PIGL: variants seen among roughly 807,000 people sequenced by gnomAD.
PIGL encodes the protein phosphatidylinositol glycan anchor biosynthesis class L, also known as N-acetylglucosaminyl-phosphatidylinositol de-N-acetylase.
PIGL carries 22 observed loss-of-function variants against 31.1 expected under a neutral mutation model. The ratio of observed to expected loss-of-function variants is 0.71; its 90% confidence interval spans 0.51 to 1.01. The LOEUF is 1.01. Ranked by LOEUF, PIGL falls within the 50% of genes least tolerant of loss-of-function variation. The probability of loss-of-function intolerance (pLI) is 0.00; values close to 1 mark genes in which losing one functional copy is unlikely to be tolerated. For missense variants in PIGL, 302 were observed against 315.9 expected, an observed-to-expected ratio of 0.96 and a Z score of 0.33; for synonymous variants, 131 against 117.4, an observed-to-expected ratio of 1.12 and a Z score of -0.75.
intron 2 of PIGL, among the ~76,000 whole-genome samples, chr17:16,284,950 T>G (rs941617542): frequency 6.6e-6 from 1 of 152,220 alleles, no homozygotes; most frequent in African/African-American, 2.4e-5. Context: ...GTGAACCCAC[T>G]GGGTGGTTAC....
intron 2 of PIGL, among the ~76,000 whole-genome samples, chr17:16,269,856 T>C (rs1424268750): frequency 6.6e-6 from 1 of 151,960 alleles, no homozygotes; most frequent in East Asian, 1.9e-4. Flanking sequence ...TTTTGTTCTG[T>C]TTTTTTTAAG....
chr17:16,262,192 C>T (rs2092821962), intron 2 of PIGL, among the ~76,000 whole-genome samples: 1 of 152,106 alleles, frequency 6.6e-6, no homozygotes, highest in East Asian at 1.9e-4. Context: ...CACTGCACTG[C>T]AGTCTGGGCA....
At chr17:16,244,661 C>T (rs531974640) in intron 2 of PIGL, among the ~76,000 whole-genome samples, 5 of 152,108 alleles carry the variant, frequency 3.3e-5, no homozygotes, top group South Asian at 2.1e-4. Context: ...AGGTATAAAG[C>T]GGGGAGTTTT....
intron 2 of PIGL, among the ~76,000 whole-genome samples, chr17:16,282,526 T>C (rs945646090): frequency 6.6e-6 from 1 of 152,136 alleles, no homozygotes; most frequent in Non-Finnish European, 1.5e-5. Flanking sequence ...CCAAACATAG[T>C]CAGTGTTGAT....
intron 2 of PIGL, among the ~76,000 whole-genome samples, chr17:16,248,033 G>A (rs952836666): frequency 6.6e-5 from 10 of 151,952 alleles, no homozygotes; most frequent in East Asian, 1.9e-4. Flanking sequence ...GATTACAGGC[G>A]CGCACCACCA....
At chr17:16,255,047 T>C (rs2092788336) in intron 2 of PIGL, among the ~76,000 whole-genome samples, 2 of 152,256 alleles carry the variant, frequency 1.3e-5, no homozygotes, top group South Asian at 4.1e-4. Flanking sequence ...AATGTGTGTG[T>C]GGTCTCTAAG....
chr17:16,245,001 T>G (rs2092738387), intron 2 of PIGL, among the ~76,000 whole-genome samples: 1 of 151,844 alleles, frequency 6.6e-6, no homozygotes, highest in Admixed American at 6.6e-5. Flanking sequence ...TTGTTGTTCT[T>G]GTTTTTTTGA....
chr17:16,282,349 G>A (rs1388574203), intron 2 of PIGL, among the ~76,000 whole-genome samples: 1 of 152,120 alleles, frequency 6.6e-6, no homozygotes, highest in Non-Finnish European at 1.5e-5. Flanking sequence ...ACTTAGAAAA[G>A]CCTAAGTTAT....
chr17:16,306,253 T>C (rs1291268513), intron 3 of PIGL, among the ~76,000 whole-genome samples: 1 of 152,006 alleles, frequency 6.6e-6, no homozygotes, highest in East Asian at 1.9e-4. Flanking sequence ...CCAGCCTCGC[T>C]GTACAGTTTT....
chr17:16,296,963 G>A (rs946883314), intron 2 of PIGL, among the ~76,000 whole-genome samples: 3 of 151,852 alleles, frequency 2.0e-5, no homozygotes, highest in South Asian at 2.1e-4. Flanking sequence ...CTCGTGATCC[G>A]CCCGCCTCGG....
At chr17:16,264,599 CATTATTATTATTATTATTATTATT>C (rs67790275) in intron 2 of PIGL, among the ~76,000 whole-genome samples, 44 of 144,022 alleles carry the variant, frequency 3.1e-4, no homozygotes, top group African/African-American at 8.9e-4. Flanking sequence ...AACACATCGT[CATTATTATTATTATTATTATTATT>C]ATTATTATTA....
chr17:16,245,010 G>C (rs1293699881), intron 2 of PIGL, among the ~76,000 whole-genome samples: 1 of 150,992 alleles, frequency 6.6e-6, no homozygotes, highest in African/African-American at 2.4e-5. Context: ...TTGTTTTTTT[G>C]AGACGGAGTT....
intron 2 of PIGL, among the ~76,000 whole-genome samples, chr17:16,250,089 G>A (rs375827179): frequency 1.2e-4 from 19 of 152,220 alleles, no homozygotes; most frequent in African/African-American, 4.3e-4. Context: ...TGGGATTACC[G>A]ACATATGCCA....
chr17:16,254,371 C>T (rs1398428653), intron 2 of PIGL, among the ~76,000 whole-genome samples: 2 of 152,052 alleles, frequency 1.3e-5, no homozygotes, highest in Non-Finnish European at 2.9e-5. Flanking sequence ...CGGGTTCAAG[C>T]GATTCTCCTA....
At chr17:16,313,688 G>A in intron 4 of PIGL, 74 bp downstream of exon 4, 1 of 1,192,876 alleles carries the variant, frequency 8.4e-7, no homozygotes, top group South Asian at 1.2e-5. Flanking sequence ...AAAGTCTAAA[G>A]CACTTTCCCA....
chr17:16,301,411 C>T (rs1285789343), intron 3 of PIGL, among the ~76,000 whole-genome samples: 1 of 150,936 alleles, frequency 6.6e-6, no homozygotes, highest in African/African-American at 2.4e-5. Context: ...ACTACAGACA[C>T]GTGCCACCAC....
chr17:16,246,978 C>T (rs1442681981), intron 2 of PIGL, among the ~76,000 whole-genome samples: 6 of 151,872 alleles, frequency 4.0e-5, no homozygotes, highest in East Asian at 1.9e-4. Flanking sequence ...CGTGAGCCAC[C>T]GCGCCCGGCC....
At chr17:16,323,336 C>T (rs1176589274) in intron 6 of PIGL, among the ~76,000 whole-genome samples, 8 of 151,694 alleles carry the variant, frequency 5.3e-5, no homozygotes, top group Non-Finnish European at 1.2e-4. Context: ...CAGGTTCAAA[C>T]GATTCTCCTG....
At chr17:16,221,549 A>C (rs1300799332) in intron 1 of PIGL, among the ~76,000 whole-genome samples, 1 of 151,554 alleles carries the variant, frequency 6.6e-6, no homozygotes, top group Non-Finnish European at 1.5e-5. Flanking sequence ...TCCTGGATTC[A>C]AGCAATTCTC....
Sources: allele counts gnomAD v4.1 joint callset (sites outside exome capture counted in the v4.1 genomes callset), GRCh38; gene constraint gnomAD v4.1.1; transcripts MANE v1.5; gene names NCBI Gene and HGNC (gene_info 2026-07-23, HGNC 2026-07-21).